The following NEDD4 variants were observed in gnomAD, a reference collection of about 807,000 sequenced individuals.
NEDD4 encodes E3 ubiquitin-protein ligase NEDD4.
NEDD4 carries 99 observed loss-of-function variants against 144.9 expected under a neutral mutation model. The ratio of observed to expected loss-of-function variants is 0.68; its 90% CI spans 0.58 to 0.81. NEDD4 has a LOEUF of 0.81. Ranked by LOEUF, NEDD4 falls within the 30% of genes least tolerant of loss-of-function variation. NEDD4 has a pLI of 0.00. For synonymous variants in NEDD4, 318 were observed against 350.6 expected, an observed-to-expected ratio of 0.91 and a Z score of 1.04; for missense variants, 985 against 1,065.9, an observed-to-expected ratio of 0.92 and a Z score of 1.06.
chr15:55,886,789 A>T (rs755737234), intron 5 of NEDD4, among the ~76,000 whole-genome samples: 25 of 152,022 alleles, frequency 1.6e-4, no homozygotes, highest in Admixed American at 6.6e-4. Flanking sequence ...AATAATATCA[A>T]ATATCTTCTC....
In NEDD4 at chr15:55,856,212, G is replaced by C. The variant is rs2034188935; in HGVS notation, c.961-16C>G. On this transcript the variant is annotated splice_polypyrimidine_tract_variant and intron_variant, in intron 11 of 28. Coordinates refer to ENST00000435532, the MANE Select transcript of NEDD4 (RefSeq NM_006154.4). ...TGGAATGATTCTTGTGAAAAAACAAGACAACAGAAGAATACCTTGATATTT... is the reference window on the plus strand; with the variant it reads ...TGGAATGATTCTTGTGAAAAAACAACACAACAGAAGAATACCTTGATATTT... 1 of 1,608,472 alleles carries C rather than the reference G, an allele frequency of 6.2e-7. No individual in the cohort carries two copies. The highest frequency in any genetic ancestry group is 2.2e-5 in the East Asian group (1 of 44,794).
intron 1 of NEDD4, among the ~76,000 whole-genome samples, chr15:55,974,109 C>G (rs1325010709): frequency 1.3e-5 from 2 of 152,058 alleles, no homozygotes; most frequent in Admixed American, 1.3e-4. Flanking sequence ...ACCACAGAAA[C>G]TCAAAGGATC....
chr15:55,954,081 T>A (rs938733233), intron 2 of NEDD4, among the ~76,000 whole-genome samples: 1 of 151,736 alleles, frequency 6.6e-6, no homozygotes, highest in Admixed American at 6.6e-5. Context: ...GTCTCTTCCC[T>A]TTAGATCCAC....
rs750758667 is a variant in NEDD4 at position 55,862,898 on chromosome 15, G to A, written c.674+15C>T. 7 of 1,549,474 alleles carry A rather than the reference G, an allele frequency of 4.5e-6. No individual in the cohort carries two copies. Among genetic ancestry groups the A allele is most frequent in the South Asian group, 2.5e-5 (2 of 80,762 alleles). ...GTGTTTCCAGATTAAAATTGTGAAA[G>A]CCATCAGCACATACTGAGGGGTTGG... On this transcript the variant is annotated intron_variant, in intron 9 of 28. Transcript: ENST00000435532.
At chr15:55,919,516 A>G (rs544978976) in intron 5 of NEDD4, among the ~76,000 whole-genome samples, 3 of 152,326 alleles carry the variant, frequency 2.0e-5, no homozygotes, top group Admixed American at 6.5e-5. Flanking sequence ...GAAATTGCAT[A>G]GGATCTATAC....
At chr15:55,864,318 C>T (rs916038714) in intron 8 of NEDD4, among the ~76,000 whole-genome samples, 1 of 151,952 alleles carries the variant, frequency 6.6e-6, no homozygotes, top group Non-Finnish European at 1.5e-5. Context: ...CTCAGTCTCA[C>T]AAAGGTGTCA....
intron 1 of NEDD4, among the ~76,000 whole-genome samples, chr15:55,986,148 G>A (rs2037887248): frequency 6.6e-6 from 1 of 152,060 alleles, no homozygotes; most frequent in Admixed American, 6.6e-5. Context: ...ATAAATGACA[G>A]GAAAAGGAAA....
intron 2 of NEDD4, among the ~76,000 whole-genome samples, chr15:55,959,542 TC>T (rs758147886): frequency 3.9e-4 from 60 of 152,204 alleles, no homozygotes; most frequent in Non-Finnish European, 7.5e-4. Flanking sequence ...CTCCTAATAT[TC>T]ATGTTCTTTG....
intron 1 of NEDD4, among the ~76,000 whole-genome samples, chr15:55,973,804 T>C (rs1480923076): frequency 6.7e-6 from 1 of 150,196 alleles, no homozygotes; most frequent in African/African-American, 2.5e-5. Context: ...CTTATAGCTA[T>C]AAGTACCTAC....
intron 4 of NEDD4, among the ~76,000 whole-genome samples, chr15:55,936,008 A>T (rs2036882707): frequency 6.6e-6 from 1 of 151,932 alleles, no homozygotes. Flanking sequence ...CACCTGCTGC[A>T]ATGACCAACC....
intron 5 of NEDD4, among the ~76,000 whole-genome samples, chr15:55,884,992 T>C (rs1284939691): frequency 6.6e-6 from 1 of 152,080 alleles, no homozygotes; most frequent in African/African-American, 2.4e-5. Flanking sequence ...ATAAGACTCC[T>C]CAAGATATTT....
intron 1 of NEDD4, among the ~76,000 whole-genome samples, chr15:55,984,819 A>G (rs1182675628): frequency 2.0e-5 from 3 of 152,248 alleles, no homozygotes; most frequent in African/African-American, 7.2e-5. Context: ...AAGAAATAGA[A>G]GTCCTAAAGA....
At chr15:55,839,999 AATATATATATATATAT>A (rs1176994871) in intron 21 of NEDD4, among the ~76,000 whole-genome samples, 699 of 25,908 alleles carry the variant, frequency 0.027, 18 homozygotes, top group East Asian at 0.16. Flanking sequence ...AAAAAAAAAA[AATATATATATATATAT>A]ATATATATAT....
intron 4 of NEDD4, among the ~76,000 whole-genome samples, chr15:55,934,927 G>A (rs1362748226): frequency 7.2e-5 from 9 of 124,516 alleles, no homozygotes; most frequent in African/African-American, 2.8e-4. Context: ...GGAGTGCAGT[G>A]GCACAATATC....
intron 5 of NEDD4, among the ~76,000 whole-genome samples, chr15:55,898,967 C>T (rs759469131): frequency 5.3e-5 from 8 of 152,122 alleles, no homozygotes; most frequent in African/African-American, 1.9e-4. Flanking sequence ...AAAGCAAAAT[C>T]TGTTTGTTAG....
At position 55,990,940 on chromosome 15, in the gene NEDD4, A is replaced by G. The variant is rs75598710; in HGVS notation, c.45+2571T>C. 8.4e-3 allele frequency among the ~76,000 whole-genome samples: 1,282 copies of G among 152,344 alleles called. 19 individuals carry two copies. The highest frequency in any genetic ancestry group is 0.029 in the African/African-American group (1,223 of 41,586). On this transcript the variant is annotated intron_variant, in intron 1 of 28. Transcript: ENST00000435532. ...GCACATGCAGCCAGGGTGATCTCTT[A>G]CTATAAGTCACTTATATGTGGAAGA...
chr15:55,927,407 CCT>C, intron 4 of NEDD4, among the ~76,000 whole-genome samples: 1 of 152,068 alleles, frequency 6.6e-6, no homozygotes, highest in South Asian at 2.1e-4. Context: ...CTCAAGCAAT[CCT>C]CCCACCTCAG....
At chr15:55,966,861 C>T (rs1292880506) in intron 1 of NEDD4, among the ~76,000 whole-genome samples, 4 of 152,090 alleles carry the variant, frequency 2.6e-5, no homozygotes, top group Non-Finnish European at 5.9e-5. Context: ...TATATATGTA[C>T]ACAAAATCGA....
chr15:55,852,512 C>A lies in NEDD4; in HGVS notation c.1058G>T (p.Gly353Val), dbSNP rs751785586. 2 of 1,612,914 alleles carry A rather than the reference C, an allele frequency of 1.2e-6. No individual in the cohort carries two copies. Among genetic ancestry groups the A allele is most frequent in the Admixed American group, 1.7e-5 (1 of 59,942 alleles). The change falls in exon 13 of 29, where the codon GGT becomes GTT. Residue 353 changes from glycine to valine, a missense_variant. Physicochemically the swap from Gly to Val is moderately radical, Grantham distance 109. Transcript: ENST00000435532. ...TCTTTCATCTTGTTTTTCTTCCCAA[C>A]CTGGTGGTAATCCAGATGAAGTAGG... ...LLPTSSGLPPGWEEKQDERGR... is the reference protein window; with the variant it reads ...LLPTSSGLPPVWEEKQDERGR...
Sources: gnomAD v4.1 joint callset for allele counts (sites outside exome capture counted in the v4.1 genomes callset) on GRCh38, gnomAD v4.1.1 for gene constraint, MANE v1.5 for transcripts, NCBI Gene and HGNC (gene_info 2026-07-23, HGNC 2026-07-21) for gene names.